Variants in C22orf31 observed in about 807,000 individuals in gnomAD.
C22orf31 encodes the protein uncharacterized protein C22orf31.
In C22orf31, 11 loss-of-function variants were observed where a neutral mutation model predicts 15.0. That is an observed-to-expected ratio of 0.73 (90% confidence interval 0.46 to 1.21). The LOEUF is 1.21. Among genes scored for constraint, C22orf31 ranks in the 50% most tolerant of loss-of-function variants. The probability of loss-of-function intolerance (pLI) is 0.00; values close to 1 mark genes in which losing one functional copy is unlikely to be tolerated. For synonymous variants in C22orf31, 132 were observed against 133.3 expected, an observed-to-expected ratio of 0.99 and a Z score of 0.07; for missense variants, 340 against 347.2, an observed-to-expected ratio of 0.98 and a Z score of 0.17.
chr22:29,069,841 T>A, the C22orf31 span, among the ~76,000 whole-genome samples: 1 of 152,140 alleles, frequency 6.6e-6, no homozygotes, highest in Non-Finnish European at 1.5e-5. Flanking sequence ...ATAGGACCAT[T>A]TTCATGGGCG....
chr22:29,073,588 C>G, the C22orf31 span, among the ~76,000 whole-genome samples: 4 of 152,124 alleles, frequency 2.6e-5, no homozygotes, highest in South Asian at 8.3e-4. The surrounding 1 kb of genome is among the most constrained non-coding windows in gnomAD (Gnocchi z 4.4). Context: ...CTGCCCGAGT[C>G]CCTCAGCGAC....
At position 29,058,735 on chromosome 22, in the gene C22orf31, C is replaced by G. The variant is rs765433672; in HGVS notation, c.*7G>C. 3 of 1,598,448 alleles carry G rather than the reference C, an allele frequency of 1.9e-6. No individual in the cohort carries two copies. The highest frequency in any genetic ancestry group is 2.6e-6 in the Non-Finnish European group (3 of 1,171,562). ...AGAGAATACTCTAATCCCATGAGTTCTTGTTCCTATTTTTTGCTCTTTAAC... is the reference window on the plus strand; with the variant it reads ...AGAGAATACTCTAATCCCATGAGTTGTTGTTCCTATTTTTTGCTCTTTAAC... On this transcript the variant is annotated 3_prime_UTR_variant, in exon 3 of 3. Coordinates refer to ENST00000216071, the MANE Select transcript of C22orf31 (RefSeq NM_015370.2).
At chr22:29,069,060 C>A in the C22orf31 span, among the ~76,000 whole-genome samples, 2 of 152,160 alleles carry the variant, frequency 1.3e-5, no homozygotes, top group Non-Finnish European at 2.9e-5. Flanking sequence ...CCACCCCTGG[C>A]CCAGCCTGGT....
At chr22:29,072,998 C>CCGGGG in the C22orf31 span, 1 of 153,976 alleles carries the variant, frequency 6.5e-6, no homozygotes, top group East Asian at 2.0e-4. Flanking sequence ...GCTGGGCGGG[C>CCGGGG]CGGGGCGGGG....
At chr22:29,065,598 C>T (rs1212092889), upstream of C22orf31, among the ~76,000 whole-genome samples, 6 of 152,120 alleles carry the variant, frequency 3.9e-5, no homozygotes, top group Admixed American at 1.3e-4. Context: ...CCCCTGGTTA[C>T]GGGAGTTGTT....
the C22orf31 span, among the ~76,000 whole-genome samples, chr22:29,070,932 G>A: frequency 1.3e-5 from 2 of 152,110 alleles, no homozygotes; most frequent in Non-Finnish European, 2.9e-5. Flanking sequence ...CATGTTCCTC[G>A]CTGAATATTT....
the C22orf31 span, among the ~76,000 whole-genome samples, chr22:29,070,560 C>T: frequency 6.6e-6 from 1 of 152,282 alleles, no homozygotes; most frequent in East Asian, 1.9e-4. Context: ...GACCTGTGTC[C>T]TGCTTTGCTG....
chr22:29,066,377 C>T (rs111474380), upstream of C22orf31, among the ~76,000 whole-genome samples: 11 of 152,018 alleles, frequency 7.2e-5, no homozygotes, highest in African/African-American at 2.7e-4. Flanking sequence ...GATGCAAACT[C>T]GGAGGACCAA....
the C22orf31 span, among the ~76,000 whole-genome samples, chr22:29,069,934 CTTGAAATTCTT>C: frequency 2.1e-5 from 3 of 142,050 alleles, no homozygotes; most frequent in African/African-American, 8.0e-5. Context: ...CTGTCACTGT[CTTGAAATTCTT>C]TTTTTTTTTT....
At chr22:29,060,354 T>G (rs1601730887) in intron 2 of C22orf31, 61 bp downstream of exon 2, 1 of 1,452,238 alleles carries the variant, frequency 6.9e-7, no homozygotes, top group Non-Finnish European at 9.4e-7. Context: ...AAGTGTTCTC[T>G]GGCTTTACCT....
upstream of C22orf31, among the ~76,000 whole-genome samples, chr22:29,065,145 G>A (rs950916742): frequency 2.0e-5 from 3 of 152,118 alleles, no homozygotes; most frequent in Admixed American, 6.5e-5. Context: ...GAGCCACTGC[G>A]CCTGACCATG....
chr22:29,073,687 T>A, the C22orf31 span, among the ~76,000 whole-genome samples: 2 of 129,498 alleles, frequency 1.5e-5, no homozygotes, highest in Non-Finnish European at 3.3e-5. The surrounding 1 kb of genome is among the most constrained non-coding windows in gnomAD (Gnocchi z 4.4). Context: ...CGGGACGTCC[T>A]CTGCTCCCCG....
chr22:29,065,044 G>GCA (rs1369300046), upstream of C22orf31, among the ~76,000 whole-genome samples: 28 of 151,928 alleles, frequency 1.8e-4, no homozygotes, highest in African/African-American at 6.3e-4. Flanking sequence ...AGCAGAGATG[G>GCA]GGGTTTCACC....
the C22orf31 span, among the ~76,000 whole-genome samples, chr22:29,072,102 T>A: frequency 2.6e-5 from 4 of 152,136 alleles, no homozygotes; most frequent in African/African-American, 9.7e-5. Flanking sequence ...ACTCCTACTC[T>A]GCGTGCGTAA....
intron 2 of C22orf31, chr22:29,059,731 C>G (rs778023624): frequency 2.5e-4 from 248 of 985,254 alleles, no homozygotes; most frequent in Middle Eastern, 5.2e-4. Context: ...TGTGGACGCT[C>G]ACAATCCAGA....
At chr22:29,068,858 G>C in the C22orf31 span, among the ~76,000 whole-genome samples, 1 of 149,342 alleles carries the variant, frequency 6.7e-6, no homozygotes, top group Admixed American at 6.8e-5. Flanking sequence ...TCTGTCTCCT[G>C]GGTTCAAGCC....
At chr22:29,070,394 C>A in the C22orf31 span, among the ~76,000 whole-genome samples, 1 of 152,256 alleles carries the variant, frequency 6.6e-6, no homozygotes, top group Admixed American at 6.5e-5. Context: ...GGAGGGGTGC[C>A]TTCCCGCAGC....
chr22:29,062,046 G>A (rs1310545207), upstream of C22orf31, among the ~76,000 whole-genome samples: 3 of 152,134 alleles, frequency 2.0e-5, no homozygotes, highest in African/African-American at 7.2e-5. Flanking sequence ...GTGGGTGGGT[G>A]TTACATCATC....
chr22:29,063,855 T>C (rs2037412191), upstream of C22orf31, among the ~76,000 whole-genome samples: 1 of 152,166 alleles, frequency 6.6e-6, no homozygotes, highest in South Asian at 2.1e-4. Context: ...AACCAAAGTC[T>C]ATACTGCCCT....
Sources: gnomAD v4.1 joint callset for allele counts (sites outside exome capture counted in the v4.1 genomes callset) on GRCh38, gnomAD v4.1.1 for gene constraint, Gnocchi (gnomAD v3.1) non-coding constraint, MANE v1.5 for transcripts, NCBI Gene and HGNC (gene_info 2026-07-23, HGNC 2026-07-21) for gene names.